TFCP2L1: variants seen among roughly 807,000 people sequenced by gnomAD.
The protein encoded by TFCP2L1 is transcription factor CP2 like 1.
A neutral mutation model predicts 72.2 loss-of-function variants in TFCP2L1; 12 were observed. That is an observed-to-expected ratio of 0.17 (90% CI 0.11 to 0.27). The LOEUF is 0.27. TFCP2L1 is among the 10% of genes least tolerant of loss of function. The pLI is 1.00. For synonymous variants in TFCP2L1, 260 were observed against 251.0 expected (o/e 1.04, Z -0.34); for missense variants, 488 against 624.6 (o/e 0.78, Z 2.33).
At chr2:121,249,140 C>CCCA in intron 3 of TFCP2L1, 53 bp from the exon 4 acceptor site, 1 of 1,348,684 alleles carries the variant, frequency 7.4e-7, no homozygotes, top group Non-Finnish European at 1.0e-6. Flanking sequence ...CCAAGAGGAA[C>CCCA]CCACCTCTTT....
rs1413430692 is a variant in TFCP2L1, at chr2:121,224,069, A to G, written c.*272T>C. The stretch of plus-strand genomic sequence containing the variant: ...ACGTCTCCACTGTTTGCCCTTTTAG[A>G]ACGTCAGGGTTGGACCAATAGAAAA... On this transcript the variant is annotated 3_prime_UTR_variant, in exon 15 of 15. Transcript: ENST00000263707. 2 of 519,366 alleles carry G rather than the reference A, an allele frequency of 3.9e-6. No individual in the cohort carries two copies. Among genetic ancestry groups the G allele is most frequent in the African/African-American group, 3.8e-5 (2 of 52,416 alleles). The allele number at this position is 519,366 out of a possible 1,614,324, so 32.2% of individuals were successfully genotyped here.
intron 13 of TFCP2L1, among the ~76,000 whole-genome samples, chr2:121,229,105 CAG>C (rs1178979267): frequency 6.6e-6 from 1 of 151,874 alleles, no homozygotes; most frequent in African/African-American, 2.4e-5. Context: ...TTAGTAGAGA[CAG>C]GGTTTCGTCA....
intron 2 of TFCP2L1, among the ~76,000 whole-genome samples, chr2:121,252,041 CATTCT>C (rs1037583876): frequency 6.6e-6 from 1 of 151,962 alleles, no homozygotes; most frequent in East Asian, 1.9e-4. Flanking sequence ...TATTCTATTC[CATTCT>C]ATTCTATTCT....
chr2:121,273,160 TAAGACTC>T (rs1368621542), intron 2 of TFCP2L1, among the ~76,000 whole-genome samples: 1 of 152,194 alleles, frequency 6.6e-6, no homozygotes, highest in African/African-American at 2.4e-5. Context: ...TTACTATACT[TAAGACTC>T]AAGAGTTGTT....
intron 3 of TFCP2L1, among the ~76,000 whole-genome samples, 177 bp from the exon 4 acceptor site, chr2:121,249,264 A>G (rs1313065744): frequency 6.6e-6 from 1 of 152,048 alleles, no homozygotes; most frequent in Non-Finnish European, 1.5e-5. Flanking sequence ...AACACTAACA[A>G]CAGCAACAAC....
Position 121,234,048 on chromosome 2 carries a change from G to A in TFCP2L1, c.1198+43C>T, listed in dbSNP as rs199551795. The A allele has an allele frequency of 2.2e-3, 3,474 of 1,568,392 alleles. 11 individuals are homozygous for A. Among genetic ancestry groups the A allele is most frequent in the Non-Finnish European group, 2.6e-3 (2,986 of 1,141,684 alleles). On this transcript the variant is annotated intron_variant, in intron 12 of 14. Coordinates refer to ENST00000263707, the MANE Select transcript of TFCP2L1 (RefSeq NM_014553.3). ...ACTGCGGGCTTGAAAGCCAGGCTGC[G>A]GGACCCAATGTGTGGGTCCCAGCTC...
chr2:121,248,851 G>A (rs1481191166), intron 4 of TFCP2L1, 131 bp downstream of exon 4: 8 of 570,134 alleles, frequency 1.4e-5, no homozygotes, highest in Middle Eastern at 4.9e-4. Context: ...GCAAGCTCCC[G>A]CGGGGTTTTA....
intron 11 of TFCP2L1, among the ~76,000 whole-genome samples, chr2:121,234,976 G>A (rs950678696): frequency 1.3e-5 from 2 of 152,264 alleles, no homozygotes; most frequent in Admixed American, 6.5e-5. Context: ...GTCCAACCAA[G>A]AAGAGGGAGG....
At chr2:121,262,887 G>C (rs1010426943) in intron 2 of TFCP2L1, among the ~76,000 whole-genome samples, 3 of 151,960 alleles carry the variant, frequency 2.0e-5, no homozygotes, top group Non-Finnish European at 4.4e-5. Context: ...TAAATTGTTT[G>C]ATTTGCTCTC....
chr2:121,267,208 G>A (rs540161336), intron 2 of TFCP2L1, among the ~76,000 whole-genome samples: 9 of 152,036 alleles, frequency 5.9e-5, no homozygotes, highest in Admixed American at 1.3e-4. Flanking sequence ...ATGAGCCACC[G>A]CACCTGGCCA....
At chr2:121,233,075 T>C (rs911790125) in intron 12 of TFCP2L1, among the ~76,000 whole-genome samples, 2 of 152,208 alleles carry the variant, frequency 1.3e-5, no homozygotes, top group Non-Finnish European at 2.9e-5. Flanking sequence ...CCCAGCACTC[T>C]GCGTGGCCAA....
intron 2 of TFCP2L1, among the ~76,000 whole-genome samples, chr2:121,272,103 A>G (rs1342595643): frequency 6.6e-6 from 1 of 152,198 alleles, no homozygotes; most frequent in African/African-American, 2.4e-5. Context: ...AGCCAGAGAA[A>G]GAAAGGGTGC....
At chr2:121,247,402 C>G (rs1686511244) in intron 5 of TFCP2L1, among the ~76,000 whole-genome samples, 1 of 152,162 alleles carries the variant, frequency 6.6e-6, no homozygotes, top group Non-Finnish European at 1.5e-5. Flanking sequence ...AGGCTGGAAC[C>G]ATTTCTGTAC....
chr2:121,270,416 C>T (rs1327676392), intron 2 of TFCP2L1, among the ~76,000 whole-genome samples: 3 of 152,194 alleles, frequency 2.0e-5, no homozygotes, highest in Non-Finnish European at 4.4e-5. Flanking sequence ...CACTGGAAGG[C>T]AATCCGGCAG....
chr2:121,235,379 C>G, intron 10 of TFCP2L1, 68 bp from the exon 11 acceptor site: 1 of 1,524,818 alleles, frequency 6.6e-7, no homozygotes, highest in South Asian at 1.1e-5. Context: ...CCCCAACCAG[C>G]TGCAGACCCC....
At chr2:121,285,027 G>A (rs1358862076) in intron 1 of TFCP2L1, 21 bp downstream of exon 1, 3 of 1,478,102 alleles carry the variant, frequency 2.0e-6, no homozygotes, top group Non-Finnish European at 1.8e-6. Context: ...GAGACCCGCG[G>A]GGACCGCGCG....
intron 13 of TFCP2L1, among the ~76,000 whole-genome samples, chr2:121,227,648 T>G (rs1686055401): frequency 6.6e-6 from 1 of 151,604 alleles, no homozygotes; most frequent in Non-Finnish European, 1.5e-5. Flanking sequence ...ATCACTGCAC[T>G]TCAGCCTGGG....
chr2:121,275,438 C>T, intron 2 of TFCP2L1, among the ~76,000 whole-genome samples: 1 of 142,014 alleles, frequency 7.0e-6, no homozygotes, highest in Non-Finnish European at 1.5e-5. Context: ...AGACATTTTA[C>T]ATGTTTAGGA....
Position 121,281,153 on chromosome 2 carries a change from G to A in TFCP2L1, c.181C>T (p.Leu61=), listed in dbSNP as rs1350347825. 1 of 1,613,914 alleles carries A rather than the reference G, an allele frequency of 6.2e-7. No individual in the cohort carries two copies. Among genetic ancestry groups the A allele is most frequent in the Non-Finnish European group, 8.5e-7 (1 of 1,180,026 alleles). Residue 61 remains leucine (L), a synonymous_variant, in exon 2 of 15, where the codon CTG becomes TTG. Coordinates refer to ENST00000263707, the MANE Select transcript of TFCP2L1 (RefSeq NM_014553.3). Reference sequence around the variant, plus strand: ...AGGTAGGTCAGCGTCTCTTCATGCAGCTTCACGGCTGGGGACGTGGCAGCA... The same window carrying A: ...AGGTAGGTCAGCGTCTCTTCATGCAACTTCACGGCTGGGGACGTGGCAGCA... The part of the protein sequence containing the change: ...LCAATSPAVK[L]HEETLTYLNQ...
Sources: gnomAD v4.1 joint callset for allele counts (sites outside exome capture counted in the v4.1 genomes callset) on GRCh38, gnomAD v4.1.1 for gene constraint, MANE v1.5 for transcripts, NCBI Gene and HGNC (gene_info 2026-07-23, HGNC 2026-07-21) for gene names.